The following GRID1 variants were observed in gnomAD, a reference collection of about 807,000 sequenced individuals.
GRID1 encodes glutamate receptor ionotropic, delta-1.
GRID1 carries 28 observed loss-of-function variants against 98.0 expected under a neutral mutation model. The ratio of observed to expected loss-of-function variants is 0.29; its 90% CI spans 0.21 to 0.39. The LOEUF is 0.39. GRID1 is among the 10% of genes least tolerant of loss of function. GRID1 has a pLI of 1.00. For synonymous variants in GRID1, 553 were observed against 538.5 expected, an observed-to-expected ratio of 1.03 and a Z score of -0.37; for missense variants, 1,111 against 1,340.5, an observed-to-expected ratio of 0.83 and a Z score of 2.67.
intron 13 of GRID1, among the ~76,000 whole-genome samples, chr10:85,644,915 C>A (rs1843166067): frequency 6.6e-6 from 1 of 152,180 alleles, no homozygotes; most frequent in African/African-American, 2.4e-5. Flanking sequence ...TAATTTTGAA[C>A]ATCTCTTCAT....
At chr10:86,202,656 C>G (rs1845971083) in intron 3 of GRID1, among the ~76,000 whole-genome samples, 1 of 152,140 alleles carries the variant, frequency 6.6e-6, no homozygotes, top group African/African-American at 2.4e-5. Flanking sequence ...ATATACATAC[C>G]AACTCCTCTC....
chr10:85,798,039 T>C (rs921422589), intron 8 of GRID1, among the ~76,000 whole-genome samples: 3 of 152,232 alleles, frequency 2.0e-5, no homozygotes, highest in Admixed American at 6.5e-5. Context: ...GTTGATTCCA[T>C]GTCTTTTCTG....
At chr10:86,219,726 T>C (rs1174211550) in intron 2 of GRID1, among the ~76,000 whole-genome samples, 3 of 152,180 alleles carry the variant, frequency 2.0e-5, no homozygotes, top group African/African-American at 7.2e-5. Flanking sequence ...TTGTGATTCT[T>C]ATGTGGCCAA....
At chr10:85,987,865 T>A (rs544411948) in intron 4 of GRID1, among the ~76,000 whole-genome samples, 80 of 152,182 alleles carry the variant, frequency 5.3e-4, no homozygotes, top group Non-Finnish European at 7.1e-4. Context: ...TTTTTCTTCA[T>A]AGACATCATA....
At chr10:85,770,453 C>T (rs1842251472) in intron 8 of GRID1, among the ~76,000 whole-genome samples, 1 of 152,290 alleles carries the variant, frequency 6.6e-6, no homozygotes. Context: ...TCCTCATGAG[C>T]AACGGAACAA....
chr10:86,065,167 C>T (rs200130816), intron 4 of GRID1, among the ~76,000 whole-genome samples: 1 of 152,244 alleles, frequency 6.6e-6, no homozygotes, highest in East Asian at 1.9e-4. Flanking sequence ...TGGCAATCCT[C>T]TGGCACAGTG....
rs764409391 is a variant in GRID1 at position 86,364,112 on chromosome 10, G to T, written c.80-16C>A. ...AAGATGGCACCTGGAGGAGAGAAGGGATCAAGACCGGACCTGGACAAGAAC... is the reference window on the plus strand; with the variant it reads ...AAGATGGCACCTGGAGGAGAGAAGGTATCAAGACCGGACCTGGACAAGAAC... On this transcript the variant is annotated splice_polypyrimidine_tract_variant and intron_variant, in intron 1 of 15. Transcript: ENST00000327946. 19 of 1,610,988 alleles carry T rather than the reference G, an allele frequency of 1.2e-5. No individual in the cohort carries two copies. Among genetic ancestry groups the T allele is most frequent in the Non-Finnish European group, 1.4e-5 (17 of 1,178,152 alleles).
chr10:86,282,479 C>G (rs1311360597), intron 2 of GRID1, among the ~76,000 whole-genome samples: 3 of 152,124 alleles, frequency 2.0e-5, no homozygotes, highest in East Asian at 1.9e-4. Flanking sequence ...GATCCGTGGT[C>G]CATCTCAGGG....
intron 6 of GRID1, among the ~76,000 whole-genome samples, chr10:85,865,276 A>AT (rs1180218510): frequency 3.9e-5 from 6 of 152,162 alleles, no homozygotes; most frequent in Non-Finnish European, 7.4e-5. Context: ...ATATTTAGGT[A>AT]TTTTTCTTCC....
intron 8 of GRID1, among the ~76,000 whole-genome samples, chr10:85,822,918 C>T (rs1842786169): frequency 6.6e-6 from 1 of 152,184 alleles, no homozygotes; most frequent in African/African-American, 2.4e-5. Flanking sequence ...AACCATCATT[C>T]TCAGCAAACT....
chr10:85,742,970 G>GTT (rs1214057953), intron 8 of GRID1, among the ~76,000 whole-genome samples: 1 of 152,068 alleles, frequency 6.6e-6, no homozygotes, highest in Non-Finnish European at 1.5e-5. Flanking sequence ...ATTGCAGGAT[G>GTT]TTTAGTGGCA....
At chr10:85,743,632 T>C (rs1470678017) in intron 8 of GRID1, among the ~76,000 whole-genome samples, 3 of 152,126 alleles carry the variant, frequency 2.0e-5, no homozygotes, top group Non-Finnish European at 2.9e-5. Context: ...TATTGGAAGC[T>C]GAAAAAGAAG....
At chr10:86,075,011 G>A (rs1005966197) in intron 4 of GRID1, among the ~76,000 whole-genome samples, 2 of 151,910 alleles carry the variant, frequency 1.3e-5, no homozygotes, top group Non-Finnish European at 2.9e-5. Context: ...CTGAATGAAT[G>A]ACCAAATGCA....
intron 4 of GRID1, among the ~76,000 whole-genome samples, chr10:85,919,292 T>G (rs1441592432): frequency 6.6e-6 from 1 of 152,208 alleles, no homozygotes; most frequent in Non-Finnish European, 1.5e-5. Flanking sequence ...AGACAATTGA[T>G]CAGAAAACCC....
chr10:85,762,615 C>T (rs1448604160), intron 8 of GRID1, among the ~76,000 whole-genome samples: 20 of 152,138 alleles, frequency 1.3e-4, no homozygotes, highest in Admixed American at 1.3e-3. Context: ...CTGCGTGTGC[C>T]AGAGAGAGGG....
chr10:86,208,544 C>T (rs1450192870), intron 2 of GRID1, among the ~76,000 whole-genome samples: 1 of 152,194 alleles, frequency 6.6e-6, no homozygotes, highest in African/African-American at 2.4e-5. Flanking sequence ...CCTGGACCCT[C>T]AAACTCACCT....
chr10:86,064,204 C>T (rs1843688000), intron 4 of GRID1, among the ~76,000 whole-genome samples: 1 of 152,200 alleles, frequency 6.6e-6, no homozygotes, highest in Non-Finnish European at 1.5e-5. Context: ...TCAATGTTCA[C>T]AAACATTTTT....
intron 3 of GRID1, among the ~76,000 whole-genome samples, chr10:86,167,972 T>C (rs753005750): frequency 2.0e-5 from 3 of 152,130 alleles, no homozygotes; most frequent in East Asian, 1.9e-4. Context: ...AGAAGCCCCA[T>C]AGACCCCCAC....
At chr10:86,230,863 G>C (rs557819215) in intron 2 of GRID1, among the ~76,000 whole-genome samples, 22 of 152,146 alleles carry the variant, frequency 1.4e-4, no homozygotes, top group African/African-American at 4.1e-4. Context: ...CCCACCCAGG[G>C]CTGGCAGATG....
Sources: allele counts gnomAD v4.1 joint callset (sites outside exome capture counted in the v4.1 genomes callset), GRCh38; gene constraint gnomAD v4.1.1; transcripts MANE v1.5; gene names NCBI Gene and HGNC (gene_info 2026-07-23, HGNC 2026-07-21).